Variants in CFAP54 observed in about 807,000 individuals in gnomAD.
The protein encoded by CFAP54 is cilia- and flagella-associated protein 54.
A neutral mutation model predicts 370.4 loss-of-function variants in CFAP54; 290 were observed. The observed-to-expected ratio is 0.78, with a 90% CI of 0.71 to 0.86. The LOEUF is 0.86. CFAP54 is among the 40% of genes least tolerant of loss of function. The pLI, the probability that CFAP54 is intolerant of heterozygous loss-of-function variation, is 0.00. For missense variants in CFAP54, 3,399 were observed against 3,528.7 expected, an observed-to-expected ratio of 0.96 and a Z score of 0.93; for synonymous variants, 1,206 against 1,236.5, an observed-to-expected ratio of 0.98 and a Z score of 0.52.
intron 55 of CFAP54, among the ~76,000 whole-genome samples, chr12:96,752,674 C>T (rs1218125653): frequency 6.6e-6 from 1 of 152,190 alleles, no homozygotes; most frequent in Non-Finnish European, 1.5e-5. Context: ...TCCCTAACTC[C>T]CCCAATCTGG....
intron 67 of CFAP54, among the ~76,000 whole-genome samples, chr12:96,868,430 CTT>C (rs35020483): frequency 2.9e-5 from 4 of 138,190 alleles, no homozygotes; most frequent in Non-Finnish European, 3.1e-5. Flanking sequence ...GTATGTTCAT[CTT>C]TTTTTTTTTT....
chr12:96,622,193 G>T (rs560738391), intron 27 of CFAP54, among the ~76,000 whole-genome samples: 3 of 152,002 alleles, frequency 2.0e-5, no homozygotes, highest in East Asian at 3.9e-4. Flanking sequence ...GCTAATTTTT[G>T]AGATTAACTT....
chr12:96,823,375 A>G (rs956082326), intron 65 of CFAP54, among the ~76,000 whole-genome samples: 3 of 152,182 alleles, frequency 2.0e-5, no homozygotes, highest in Non-Finnish European at 4.4e-5. Context: ...TATCTAGCCC[A>G]GTAACTGAAC....
At chr12:96,532,505 T>A (rs1955449727) in intron 9 of CFAP54, among the ~76,000 whole-genome samples, 1 of 152,314 alleles carries the variant, frequency 6.6e-6, no homozygotes, top group South Asian at 2.1e-4. Context: ...ACCCCCAAAT[T>A]TACCCTCATG....
Position 96,740,061 on chromosome 12 carries a change from TGTAA to T in CFAP54, c.7071+4_7071+7del. The T allele has an allele frequency of 1.3e-6, 2 of 1,514,904 alleles. No individual in the cohort carries two copies. The highest frequency in any genetic ancestry group is 1.8e-6 in the Non-Finnish European group (2 of 1,094,396). The allele number at this position is 1,514,904 out of a possible 1,614,324, so 93.8% of individuals were successfully genotyped here. ...AGAATCCTGTCTCTCCAGGAACTTCTGTAAGTATGACTTAATGTCTGTTCTTACA... is the reference window on the plus strand; with the variant it reads ...AGAATCCTGTCTCTCCAGGAACTTCTGTATGACTTAATGTCTGTTCTTACA... On this transcript the variant is annotated splice_donor_variant and splice_donor_region_variant and intron_variant, in intron 51 of 67. Coordinates refer to ENST00000524981, the MANE Select transcript of CFAP54 (RefSeq NM_001306084.2). LOFTEE classifies it high-confidence loss of function.
At position 96,518,872 on chromosome 12, in the gene CFAP54, A is replaced by G. The variant is rs1955270528; in HGVS notation, c.799-56A>G. 3.1e-5 allele frequency: 44 copies of G among 1,441,062 alleles called. No individual in the cohort carries two copies. In the South Asian group the frequency reaches 5.3e-4, roughly 17 times the overall value. 89.3% of individuals were successfully genotyped at this position (1,441,062 alleles called of 1,614,324 possible). Reference sequence around the variant, plus strand: ...TTAGAATTTGATTATATTTAATACAATTATCATTATTAACTTCAAATGAAA... The same window carrying G: ...TTAGAATTTGATTATATTTAATACAGTTATCATTATTAACTTCAAATGAAA... On this transcript the variant is annotated intron_variant, in intron 5 of 67. Transcript: ENST00000524981.
At chr12:96,866,233 C>T (rs1270208288) in intron 67 of CFAP54, among the ~76,000 whole-genome samples, 1 of 151,988 alleles carries the variant, frequency 6.6e-6, no homozygotes, top group African/African-American at 2.4e-5. Context: ...TCTAAAATTT[C>T]TATAGCAACA....
chr12:96,535,697 G>A, intron 12 of CFAP54, 97 bp downstream of exon 12: 1 of 707,194 alleles, frequency 1.4e-6, no homozygotes, highest in Non-Finnish European at 2.3e-6. Context: ...ATTACGCCTT[G>A]CTAAAATTTT....
chr12:96,598,046 G>T (rs565251537), intron 25 of CFAP54, among the ~76,000 whole-genome samples: 23 of 151,930 alleles, frequency 1.5e-4, no homozygotes, highest in African/African-American at 5.3e-4. Flanking sequence ...ATATTAATTT[G>T]TCCTTTGGGT....
At chr12:96,863,297 C>T (rs1036664435) in intron 67 of CFAP54, among the ~76,000 whole-genome samples, 1 of 152,114 alleles carries the variant, frequency 6.6e-6, no homozygotes, top group Admixed American at 6.6e-5. Flanking sequence ...TTATTGCCTA[C>T]CCTTTCTGGA....
At chr12:96,490,998 G>A (rs1368787460) in intron 1 of CFAP54, among the ~76,000 whole-genome samples, 1 of 151,360 alleles carries the variant, frequency 6.6e-6, no homozygotes, top group African/African-American at 2.4e-5. Context: ...TTTGAGACAG[G>A]GTCTCACTCT....
In CFAP54 at chr12:96,515,938, T is replaced by C. The variant is rs1241408289; in HGVS notation, c.798+2894T>C. 7.2e-5 allele frequency among the ~76,000 whole-genome samples: 10 copies of C among 138,446 alleles called. No individual in the cohort carries two copies. In the East Asian group the frequency reaches 1.9e-3, roughly 26 times the overall value. The allele number at this position is 138,446 out of a possible 152,430, so 90.8% of individuals were successfully genotyped here. On this transcript the variant is annotated intron_variant, in intron 5 of 67. Transcript: ENST00000524981. ...TTTTTTTTTTTTTTTTTTTTTGATA[T>C]GGAGTCTCGCTCTGTCGCCCAGGCT...
rs749138036 is a variant in CFAP54 at position 96,679,649 on chromosome 12, C to G, written c.5613C>G (p.Asp1871Glu). ...TCTGCGTGCCCGTGGACGTGACAGA[C>G]ACCTTGAGGTGTTTTAGAGAGACAC... ...ALVCVPVDVT[D>E]TLRCFRETLE... is the part of the protein sequence containing the mutation. Residue 1871 changes from aspartate to glutamate, a missense_variant, in exon 40 of 68, where the codon GAC (aspartate) becomes GAG (glutamate). By Grantham distance (45) the Asp-to-Glu change is conservative (BLOSUM62 2). Around this residue, in one of 3 missense-constraint regions of CFAP54, gnomAD observed 2,796 missense variants for 2,869.7 expected, o/e 0.97. Coordinates refer to ENST00000524981, the MANE Select transcript of CFAP54 (RefSeq NM_001306084.2). 2 of 1,613,644 alleles carry G rather than the reference C, an allele frequency of 1.2e-6. No individual in the cohort carries two copies. Among genetic ancestry groups the G allele is most frequent in the Admixed American group, 3.3e-5 (2 of 59,956 alleles).
chr12:96,538,673 T>C (rs1399569400), intron 13 of CFAP54, 155 bp downstream of exon 13: 26 of 705,952 alleles, frequency 3.7e-5, no homozygotes, highest in Non-Finnish European at 5.4e-5. Context: ...TTTCTAGCGC[T>C]GAGTGACCCT....
chr12:96,500,923 G>T lies in CFAP54; in HGVS notation c.407G>T (p.Ser136Ile). 3 of 1,534,410 alleles carry T rather than the reference G, an allele frequency of 2.0e-6. No individual in the cohort carries two copies. The highest frequency in any genetic ancestry group is 2.6e-6 in the Non-Finnish European group (3 of 1,145,800). The change falls in exon 2 of 68, where the codon AGC becomes ATC. Residue 136 changes from serine to isoleucine, a missense_variant. Physicochemically the swap from Ser to Ile is moderately radical, Grantham distance 142. Around this residue, in one of 3 missense-constraint regions of CFAP54, gnomAD observed 559 missense variants for 576.7 expected, o/e 0.97. Transcript: ENST00000524981. Reference protein sequence around the residue: ...YNEKLLKVGDSLCQMKEYKLA... With the variant: ...YNEKLLKVGDILCQMKEYKLA... The stretch of plus-strand genomic sequence containing the variant: ...GAAAAGCTTCTGAAGGTTGGAGATA[G>T]CCTTTGTCAAATGAAAGTAAGTGCC...
chr12:96,756,794 G>C (rs34484), intron 57 of CFAP54, among the ~76,000 whole-genome samples: 80,673 of 152,004 alleles, frequency 0.53, 22,177 homozygotes, highest in Middle Eastern at 0.68. Flanking sequence ...CCCAGATCTC[G>C]TGTCAGTCCC....
intron 15 of CFAP54, 72 bp from the exon 16 acceptor site, chr12:96,554,110 T>C (rs1406780646): frequency 3.4e-5 from 33 of 974,278 alleles, no homozygotes; most frequent in Non-Finnish European, 4.5e-5. Context: ...TGAATTATTG[T>C]CAAAAATTGG....
intron 22 of CFAP54, among the ~76,000 whole-genome samples, chr12:96,585,893 A>G (rs1388546196): frequency 6.6e-6 from 1 of 151,942 alleles, no homozygotes; most frequent in Non-Finnish European, 1.5e-5. Flanking sequence ...CTTTCTCTCA[A>G]ATTTTCCTGC....
At chr12:96,592,167 T>A (rs1225139880) in intron 23 of CFAP54, among the ~76,000 whole-genome samples, 2 of 152,170 alleles carry the variant, frequency 1.3e-5, no homozygotes, top group African/African-American at 2.4e-5. Context: ...CAGTAAGTGA[T>A]CGTTGTCACA....
Sources: gnomAD v4.1 joint callset for allele counts (sites outside exome capture counted in the v4.1 genomes callset) on GRCh38, gnomAD v4.1.1 for gene constraint, gnomAD v4.1.1 regional missense constraint, MANE v1.5 for transcripts, NCBI Gene and HGNC (gene_info 2026-07-23, HGNC 2026-07-21) for gene names.